The following EPN2 variants were observed in gnomAD, a reference collection of about 807,000 sequenced individuals.
EPN2 encodes the protein epsin-2.
Under a neutral mutation model 61.7 loss-of-function variants are expected in EPN2, and 34 were observed. That is an observed-to-expected ratio of 0.55 (90% CI 0.42 to 0.73). The LOEUF (loss-of-function observed/expected upper bound fraction) is 0.73, where lower values mean the gene tolerates loss of function less well. EPN2 is among the 30% of genes least tolerant of loss of function. The pLI is 0.00. For missense variants in EPN2, 714 were observed against 839.2 expected (o/e 0.85, Z 1.84); for synonymous variants, 349 against 353.6 (o/e 0.99, Z 0.15).
intron 1 of EPN2, among the ~76,000 whole-genome samples, chr17:19,265,974 T>C (rs1311505690): frequency 6.6e-6 from 1 of 151,938 alleles, no homozygotes; most frequent in Non-Finnish European, 1.5e-5. Flanking sequence ...TCACCTTCCT[T>C]TCCCATTCCC....
chr17:19,313,338 A>T, intron 7 of EPN2, 59 bp downstream of exon 7: 7 of 1,451,142 alleles, frequency 4.8e-6, no homozygotes, highest in Non-Finnish European at 6.4e-6. Context: ...GGGGCAGGGC[A>T]GTGCTTCTTG....
intron 4 of EPN2, among the ~76,000 whole-genome samples, chr17:19,290,951 T>C (rs1002182604): frequency 6.6e-6 from 1 of 152,092 alleles, no homozygotes; most frequent in Non-Finnish European, 1.5e-5. Flanking sequence ...CCCAGAGAAA[T>C]GACAGGGATT....
At chr17:19,288,248 A>G (rs2045424677) in intron 4 of EPN2, among the ~76,000 whole-genome samples, 1 of 152,148 alleles carries the variant, frequency 6.6e-6, no homozygotes, top group South Asian at 2.1e-4. Flanking sequence ...TTCCTTTTGA[A>G]GCCTGGTCTA....
intron 7 of EPN2, among the ~76,000 whole-genome samples, chr17:19,322,905 T>C (rs1368790010): frequency 6.6e-5 from 10 of 152,150 alleles, no homozygotes; most frequent in African/African-American, 2.4e-4. Context: ...TGTCCATCCT[T>C]GAGCAGCAGA....
At chr17:19,278,442 G>T (rs998859082) in intron 1 of EPN2, among the ~76,000 whole-genome samples, 1 of 152,166 alleles carries the variant, frequency 6.6e-6, no homozygotes, top group Non-Finnish European at 1.5e-5. Context: ...AGAGAAAAAT[G>T]AGGAAGAAGC....
At chr17:19,295,602 A>G (rs917569555) in intron 4 of EPN2, among the ~76,000 whole-genome samples, 1 of 152,142 alleles carries the variant, frequency 6.6e-6, no homozygotes, top group African/African-American at 2.4e-5. Context: ...TGCCTTATAT[A>G]TTTGTGTGGT....
intron 1 of EPN2, among the ~76,000 whole-genome samples, chr17:19,257,028 C>T (rs968534475): frequency 2.0e-5 from 3 of 152,112 alleles, no homozygotes; most frequent in South Asian, 2.1e-4. Flanking sequence ...TAAAAGAATA[C>T]TGGTAGAAGA....
rs533853290 is a variant in EPN2, at chr17:19,312,236, A to G, written c.972+92A>G. ...CCAACTTGCCTGGATGGCGTGATGC[A>G]CAGTGAGTTCTCCAACCTCAGCAAA... On this transcript the variant is annotated intron_variant, in intron 6 of 10. Coordinates refer to ENST00000314728, the MANE Select transcript of EPN2 (RefSeq NM_014964.5). 1.9e-5 allele frequency: 17 copies of G among 878,482 alleles called. No homozygotes were observed. In the African/African-American group the frequency reaches 2.3e-4, roughly 12 times the overall value. 54.4% of individuals were successfully genotyped at this position (878,482 alleles called of 1,614,324 possible).
At chr17:19,301,885 G>T (rs1419704196) in intron 4 of EPN2, among the ~76,000 whole-genome samples, 1 of 152,258 alleles carries the variant, frequency 6.6e-6, no homozygotes, top group East Asian at 1.9e-4. Flanking sequence ...GCCTAGAGGA[G>T]GCCCTGCTTG....
At chr17:19,291,720 G>A (rs942868704) in intron 4 of EPN2, among the ~76,000 whole-genome samples, 2 of 152,186 alleles carry the variant, frequency 1.3e-5, no homozygotes, top group Non-Finnish European at 2.9e-5. Context: ...AATTACAGGC[G>A]TGAGCCATCG....
Position 19,329,667 on chromosome 17 carries a change from G to T in EPN2, c.1411+20G>T. 1.4e-6 allele frequency: 2 copies of T among 1,464,326 alleles called. No individual in the cohort carries two copies. Among genetic ancestry groups the T allele is most frequent in the South Asian group, 2.3e-5 (2 of 85,752 alleles). 90.7% of individuals were successfully genotyped at this position (1,464,326 alleles called of 1,614,324 possible). On this transcript the variant is annotated intron_variant, in intron 9 of 10. Coordinates refer to ENST00000314728, the MANE Select transcript of EPN2 (RefSeq NM_014964.5). ...AAACAGGTATGTACAGGTGATGATG[G>T]TTTCCATAATCCTCCGTGCATTTGA...
At chr17:19,324,388 C>T (rs943932897) in intron 7 of EPN2, among the ~76,000 whole-genome samples, 14 of 152,326 alleles carry the variant, frequency 9.2e-5, no homozygotes, top group East Asian at 5.8e-4. Flanking sequence ...GGCTGGAGTG[C>T]GATGGCGTGA....
intron 5 of EPN2, among the ~76,000 whole-genome samples, chr17:19,310,707 A>G (rs1906096113): frequency 6.7e-6 from 1 of 149,606 alleles, no homozygotes; most frequent in Non-Finnish European, 1.5e-5. Flanking sequence ...CGTCCCGAGT[A>G]GCTGGGATTT....
At chr17:19,293,671 GCATGCAGGCACAAGCCACCA>G (rs1276711990) in intron 4 of EPN2, among the ~76,000 whole-genome samples, 1 of 151,374 alleles carries the variant, frequency 6.6e-6, no homozygotes, top group Admixed American at 6.6e-5. Context: ...GAGATTACAG[GCATGCAGGCACAAGCCACCA>G]CACTCAGCCA....
chr17:19,295,356 A>ACGCGCGCG (rs1355330075), intron 4 of EPN2, among the ~76,000 whole-genome samples: 3 of 66,470 alleles, frequency 4.5e-5, no homozygotes, highest in African/African-American at 7.1e-5. Flanking sequence ...ACACACACAC[A>ACGCGCGCG]CACACACACA....
chr17:19,285,477 G>A lies in EPN2; in HGVS notation c.596-143G>A, dbSNP rs868782314. ...GCTGCATGTTCAGGGTCAGAATGTG[G>A]TCAGTGGGCTTTTCACAGCTTCCAC... On this transcript the variant is annotated intron_variant, in intron 3 of 10. Coordinates refer to ENST00000314728, the MANE Select transcript of EPN2 (RefSeq NM_014964.5). The surrounding 1 kb of genome is among the most constrained non-coding windows in gnomAD (Gnocchi z 4.5). 1 of 1,299,370 alleles carries A rather than the reference G, an allele frequency of 7.7e-7. No individual in the cohort carries two copies. Among genetic ancestry groups the A allele is most frequent in the East Asian group, 3.0e-5 (1 of 33,474 alleles). The allele number at this position is 1,299,370 out of a possible 1,614,324, so 80.5% of individuals were successfully genotyped here.
intron 1 of EPN2, among the ~76,000 whole-genome samples, chr17:19,266,186 A>G (rs1300795714): frequency 6.6e-6 from 1 of 152,168 alleles, no homozygotes; most frequent in Non-Finnish European, 1.5e-5. Flanking sequence ...TGCCTTCCCC[A>G]GTATTTCCCA....
In EPN2 at chr17:19,334,519, G is replaced by A. The variant is rs754022487; in HGVS notation, c.*265G>A. The stretch of plus-strand genomic sequence containing the variant: ...CTCCTCTGAGGCCTTGGACGAGGAC[G>A]TGGAGTCATCAGTGTTGCCCTTGCC... On this transcript the variant is annotated 3_prime_UTR_variant, in exon 11 of 11. Transcript: ENST00000314728. This position sits in a 1 kb window ranked among gnomAD's most constrained non-coding sequence, Gnocchi z 4.9. 9 of 332,450 alleles carry A rather than the reference G, an allele frequency of 2.7e-5. No individual in the cohort carries two copies. Among genetic ancestry groups the A allele is most frequent in the East Asian group, 4.6e-5 (1 of 21,742 alleles). The allele number at this position is 332,450 out of a possible 1,614,324, so 20.6% of individuals were successfully genotyped here.
chr17:19,288,437 T>G (rs6587202), intron 4 of EPN2, among the ~76,000 whole-genome samples: 1,601 of 152,268 alleles, frequency 0.011, 95 homozygotes, highest in Admixed American at 0.088. Flanking sequence ...CAGTCTTGCT[T>G]GAGTGTCTTT....
Sources: gnomAD v4.1 joint callset for allele counts (sites outside exome capture counted in the v4.1 genomes callset) on GRCh38, gnomAD v4.1.1 for gene constraint, Gnocchi (gnomAD v3.1) non-coding constraint, MANE v1.5 for transcripts, NCBI Gene and HGNC (gene_info 2026-07-23, HGNC 2026-07-21) for gene names.